Variants in NUBP2 observed in about 807,000 individuals in gnomAD.
NUBP2 encodes the protein cytosolic Fe-S cluster assembly factor NUBP2.
A neutral mutation model predicts 24.9 loss-of-function variants in NUBP2; 23 were observed. That is an observed-to-expected ratio of 0.92 (90% CI 0.66 to 1.31). NUBP2 has a LOEUF of 1.31. Among genes scored for constraint, NUBP2 ranks in the 50% most tolerant of loss-of-function variants. NUBP2 has a pLI of 0.00. For missense variants in NUBP2, 403 were observed against 386.5 expected (o/e 1.04, Z -0.36); for synonymous variants, 186 against 170.9 (o/e 1.09, Z -0.69).
At chr16:1,785,549 C>T (rs1896921156) in intron 1 of NUBP2, 2 of 1,220,370 alleles carry the variant, frequency 1.6e-6, no homozygotes, top group South Asian at 1.4e-5. Flanking sequence ...CTTCTGGTAC[C>T]TCTTGGTGTT....
intron 3 of NUBP2, 50 bp downstream of exon 3, chr16:1,787,005 C>G: frequency 3.5e-6 from 5 of 1,446,522 alleles, no homozygotes; most frequent in Non-Finnish European, 4.6e-6. Context: ...GGTTAGCGTC[C>G]GTGCCGGCCT....
intron 3 of NUBP2, chr16:1,787,343 G>A: frequency 4.5e-6 from 2 of 440,936 alleles, no homozygotes; most frequent in Non-Finnish European, 8.2e-6. Context: ...CACCAGTGGG[G>A]CATCCACCAC....
At chr16:1,784,277 G>A (rs1294295644) in intron 1 of NUBP2, among the ~76,000 whole-genome samples, 1 of 151,908 alleles carries the variant, frequency 6.6e-6, no homozygotes. Context: ...TGTAGACATG[G>A]GGTCTGAATA....
At position 1,786,838 on chromosome 16, in the gene NUBP2, G is replaced by A. The variant is rs138470873; in HGVS notation, c.217G>A (p.Asp73Asn). 2.0e-4 allele frequency: 320 copies of A among 1,598,636 alleles called. No homozygotes were observed. Among genetic ancestry groups the A allele is most frequent in the African/African-American group, 1.8e-3 (134 of 74,776 alleles). ...GAQGRAVHQC[D>N]RGWAPVFLDR... ...GCAGGGCAGGGCTGTGCACCAGTGC[G>A]ACCGCGGCTGGGCACCCGTCTTCCT... Residue 73 changes from aspartate (D) to asparagine (N), a missense_variant, in exon 3 of 7, where the codon GAC becomes AAC. Asp to Asn is a conservative substitution (Grantham distance 23). Transcript: ENST00000262302.
Position 1,789,068 on chromosome 16 carries a change from G to T in NUBP2, c.*354G>T, listed in dbSNP as rs1433375798. 4.3e-6 allele frequency: 1 copy of T among 232,272 alleles called. No homozygotes were observed. Among genetic ancestry groups the T allele is most frequent in the African/African-American group, 2.3e-5 (1 of 43,912 alleles). 14.4% of individuals were successfully genotyped at this position (232,272 alleles called of 1,614,324 possible). Reference sequence around the variant, plus strand: ...TGACCCCGGGCCTCCAGCACCCTGGGTCGCTGTCATCTGTGTTTAGCTCGG... The same window carrying T: ...TGACCCCGGGCCTCCAGCACCCTGGTTCGCTGTCATCTGTGTTTAGCTCGG... On this transcript the variant is annotated 3_prime_UTR_variant, in exon 7 of 7. Coordinates refer to ENST00000262302, the MANE Select transcript of NUBP2 (RefSeq NM_012225.4).
Position 1,789,019 on chromosome 16 carries a change from C to T in NUBP2, c.*305C>T, listed in dbSNP as rs916193500. ...CCGCGTGTCCACACAGTTAGCGGAG[C>T]GCGGGACTTCTGCAGTCCTCAGGTG... On this transcript the variant is annotated 3_prime_UTR_variant, in exon 7 of 7. Transcript: ENST00000262302. The T allele has an allele frequency of 1.0e-5, 4 of 390,126 alleles. No homozygotes were observed. The highest frequency in any genetic ancestry group is 4.7e-5 in the East Asian group (1 of 21,218). 24.2% of individuals were successfully genotyped at this position (390,126 alleles called of 1,614,324 possible).
rs1374496290 is a variant in NUBP2, at chr16:1,783,117, T to C, written c.16+81T>C. 7 of 1,214,172 alleles carry C rather than the reference T, an allele frequency of 5.8e-6. No individual in the cohort carries two copies. In the South Asian group the frequency reaches 2.4e-4, roughly 42 times the overall value. 75.2% of individuals were successfully genotyped at this position (1,214,172 alleles called of 1,614,324 possible). ...GCGTCCCTTCCCGGGGCGGCCTCGC[T>C]GCGTCGCGCGCCTCCGGTGCGACCA... On this transcript the variant is annotated intron_variant, in intron 1 of 6. Transcript: ENST00000262302.
chr16:1,787,700 G>T lies in NUBP2; in HGVS notation c.358G>T (p.Asp120Tyr), dbSNP rs533118487. The T allele has an allele frequency of 1.2e-6, 2 of 1,612,576 alleles. No homozygotes were observed. The highest frequency in any genetic ancestry group is 1.7e-5 in the Admixed American group (1 of 60,022). ...KNALIKQFVSDVAWGELDYLV... is the reference protein window; with the variant it reads ...KNALIKQFVSYVAWGELDYLV... ...AGCGCTGATAAAGCAGTTTGTGTCC[G>T]ACGTGGCCTGGGGGGAGCTGGACTA... The change falls in exon 4 of 7, where the codon GAC becomes TAC. Residue 120 changes from aspartate to tyrosine, a missense_variant. Transcript: ENST00000262302.
Position 1,787,825 on chromosome 16 carries a change from G to T in NUBP2, c.483G>T (p.Thr161=). Residue 161 remains threonine, a synonymous_variant, in exon 4 of 7, where the codon ACG becomes ACT. Transcript: ENST00000262302. ...CCCTGGGGGCCCTCGTGGTCACCAC[G>T]CCCCAGGTAGCGCTGCGGCACCTTC... ...YQPLGALVVT[T]PQAVSVGDVR... The T allele has an allele frequency of 6.2e-7, 1 of 1,610,148 alleles. No homozygotes were observed.
chr16:1,783,365 A>G (rs1596864742), intron 1 of NUBP2: 1 of 1,088,920 alleles, frequency 9.2e-7, no homozygotes, highest in African/African-American at 1.7e-5. Flanking sequence ...TCGCGGTTGC[A>G]ACTGCACCGC....
In NUBP2 at chr16:1,786,746, G is replaced by A. The variant is rs770012215; in HGVS notation, c.136-11G>A. The A allele has an allele frequency of 1.7e-5, 28 of 1,611,094 alleles. No individual in the cohort carries two copies. Among genetic ancestry groups the A allele is most frequent in the African/African-American group, 8.0e-5 (6 of 74,906 alleles). On this transcript the variant is annotated splice_polypyrimidine_tract_variant and intron_variant, in intron 2 of 6. Transcript: ENST00000262302. ...CGGTGCCCCCGGCCTAGGCTGTGCC[G>A]CTCCTTGCAGGTGGGAATCCTGGAT...
At position 1,783,043 on chromosome 16, in the gene NUBP2, G is replaced by T. The variant is rs1305130440; in HGVS notation, c.16+7G>T. 1 of 1,352,594 alleles carries T rather than the reference G, an allele frequency of 7.4e-7. No homozygotes were observed. The allele number at this position is 1,352,594 out of a possible 1,614,324, so 83.8% of individuals were successfully genotyped here. ...GGGATGGAGGCGGCGGCCGGTGAGT[G>T]GCGGGCCAGGGTGCGGAGCCGCTCC... On this transcript the variant is annotated splice_region_variant and intron_variant, in intron 1 of 6. Transcript: ENST00000262302.
intron 1 of NUBP2, chr16:1,786,120 C>A: frequency 1.9e-6 from 1 of 528,300 alleles, no homozygotes; most frequent in Non-Finnish European, 2.8e-6. Context: ...GCTGCCTCTG[C>A]CGAGCCCAGG....
Position 1,788,027 on chromosome 16 carries a change from C to T in NUBP2, c.576C>T (p.Ser192=), listed in dbSNP as rs139506073. 26 of 1,598,966 alleles carry T rather than the reference C, an allele frequency of 1.6e-5. No individual in the cohort carries two copies. In the African/African-American group the frequency reaches 1.8e-4, roughly 11 times the overall value. Residue 192 remains serine, a synonymous_variant, in exon 5 of 7, where the codon AGC becomes AGT. Coordinates refer to ENST00000262302, the MANE Select transcript of NUBP2 (RefSeq NM_012225.4). ...LRVMGIVENM[S]GFTCPHCTEC... is the part of the protein sequence containing the mutation. ...TGATGGGAATCGTGGAGAATATGAG[C>T]GGCTTCACCTGCCCACACTGCACGG...
chr16:1,787,699 C>T lies in NUBP2; in HGVS notation c.357C>T (p.Ser119=), dbSNP rs756315013. The change falls in exon 4 of 7, where the codon TCC becomes TCT. Residue 119 remains serine (S), a synonymous_variant. Coordinates refer to ENST00000262302, the MANE Select transcript of NUBP2 (RefSeq NM_012225.4). ...KKNALIKQFV[S]DVAWGELDYL... is the part of the protein sequence containing the mutation. ...CAGCGCTGATAAAGCAGTTTGTGTCCGACGTGGCCTGGGGGGAGCTGGACT... is the reference window on the plus strand; with the variant it reads ...CAGCGCTGATAAAGCAGTTTGTGTCTGACGTGGCCTGGGGGGAGCTGGACT... The T allele has an allele frequency of 1.2e-5, 19 of 1,612,482 alleles. No individual in the cohort carries two copies. The African/African-American group carries it at 1.7e-4, about 15-fold the overall frequency.
intron 4 of NUBP2, 24 bp from the exon 5 acceptor site, chr16:1,787,917 G>C (rs564323504): frequency 1.2e-6 from 2 of 1,601,486 alleles, no homozygotes; most frequent in Non-Finnish European, 1.7e-6. Flanking sequence ...CTGGCTGACC[G>C]TGGCCTCGGC....
At chr16:1,785,579 C>T (rs1017705107) in intron 1 of NUBP2, 11 of 1,246,142 alleles carry the variant, frequency 8.8e-6, no homozygotes, top group Non-Finnish European at 1.1e-5. Context: ...TAAGTCAGAA[C>T]CCCTTTTATT....
chr16:1,784,881 T>A (rs2473465), intron 1 of NUBP2: 149,875 of 150,798 alleles, frequency 0.99, 74,476 homozygotes, highest in South Asian at 1. Flanking sequence ...ACGAAAAAAA[T>A]AAAAAATTAG....
At chr16:1,787,896 TGCTG>T in intron 4 of NUBP2, 41 bp from the exon 5 acceptor site, 7 of 1,601,322 alleles carry the variant, frequency 4.4e-6, no homozygotes, top group Non-Finnish European at 6.0e-6. Context: ...CGGGTGTCCC[TGCTG>T]GTGCGCCTGG....
Sources: gnomAD v4.1 joint callset for allele counts (sites outside exome capture counted in the v4.1 genomes callset) on GRCh38, gnomAD v4.1.1 for gene constraint, MANE v1.5 for transcripts, NCBI Gene and HGNC (gene_info 2026-07-23, HGNC 2026-07-21) for gene names.